The following ADARB1 variants were observed in gnomAD, a reference collection of about 807,000 sequenced individuals.
ADARB1 encodes double-stranded RNA-specific editase 1.
A neutral mutation model predicts 52.4 loss-of-function variants in ADARB1; 10 were observed. That is an observed-to-expected ratio of 0.19 (90% confidence interval 0.12 to 0.32). The LOEUF (loss-of-function observed/expected upper bound fraction) is 0.32, where lower values mean the gene tolerates loss of function less well. Among genes scored for constraint, ADARB1 ranks in the 10% least tolerant of loss-of-function variants. ADARB1 has a pLI of 1.00. For missense variants in ADARB1, 643 were observed against 922.3 expected, an observed-to-expected ratio of 0.70 and a Z score of 3.92; for synonymous variants, 349 against 371.1, an observed-to-expected ratio of 0.94 and a Z score of 0.68.
At position 45,210,076 on chromosome 21, in the gene ADARB1, C is replaced by T. The variant is rs571497590; in HGVS notation, c.1747+5340C>T. Reference sequence around the variant, plus strand: ...CTGCACCACGGCCGCCACACGGCTCCGTCTCTTGCTCTAGTTCTCCTTTCT... The same window carrying T: ...CTGCACCACGGCCGCCACACGGCTCTGTCTCTTGCTCTAGTTCTCCTTTCT... On this transcript the variant is annotated intron_variant, in intron 9 of 10. Coordinates refer to ENST00000348831, the MANE Select transcript of ADARB1 (RefSeq NM_001112.4). 2.8e-4 allele frequency among the ~76,000 whole-genome samples: 43 copies of T among 152,332 alleles called. 2 individuals are homozygous for T. The South Asian group carries it at 8.5e-3, about 30-fold the overall frequency.
At chr21:45,206,864 G>T (rs8134836) in intron 9 of ADARB1, among the ~76,000 whole-genome samples, 76,975 of 151,946 alleles carry the variant, frequency 0.51, 19,814 homozygotes, top group South Asian at 0.57. Flanking sequence ...GTGAGCCACC[G>T]TGCCTGGCCT....
At chr21:45,091,266 A>G (rs956051147) in intron 1 of ADARB1, among the ~76,000 whole-genome samples, 4 of 152,224 alleles carry the variant, frequency 2.6e-5, no homozygotes, top group African/African-American at 9.6e-5. Flanking sequence ...AATCAACTCT[A>G]AATCAATCCG....
intron 1 of ADARB1, among the ~76,000 whole-genome samples, chr21:45,109,460 T>G (rs2087434002): frequency 6.6e-6 from 1 of 152,246 alleles, no homozygotes; most frequent in Non-Finnish European, 1.5e-5. Context: ...TTTTAATGGC[T>G]TGGTCAACAG....
chr21:45,115,662 T>G (rs1330350672), intron 1 of ADARB1, among the ~76,000 whole-genome samples: 1 of 152,276 alleles, frequency 6.6e-6, no homozygotes, highest in African/African-American at 2.4e-5. Flanking sequence ...TATTTAAACT[T>G]AATAGTTGAG....
chr21:45,163,864 T>C (rs1377923207), intron 2 of ADARB1, among the ~76,000 whole-genome samples: 1 of 152,198 alleles, frequency 6.6e-6, no homozygotes, highest in Non-Finnish European at 1.5e-5. Context: ...TGTGTTTGGT[T>C]TGGGGCCATT....
intron 8 of ADARB1, among the ~76,000 whole-genome samples, chr21:45,202,773 C>T (rs568656781): frequency 6.6e-6 from 1 of 151,870 alleles, no homozygotes; most frequent in South Asian, 2.1e-4. Flanking sequence ...CTGTGCTGAG[C>T]GTCTAACCCT....
At chr21:45,107,614 C>T (rs1005721690) in intron 1 of ADARB1, among the ~76,000 whole-genome samples, 12 of 152,192 alleles carry the variant, frequency 7.9e-5, no homozygotes, top group African/African-American at 2.4e-4. Flanking sequence ...TTAGAGTCAA[C>T]GTTCTTGGGA....
chr21:45,157,527 T>A lies in ADARB1; in HGVS notation c.-47-14083T>A, dbSNP rs2090726319. Among the ~76,000 whole-genome samples, 1 of 152,148 alleles carries A rather than the reference T, an allele frequency of 6.6e-6. No individual in the cohort carries two copies. Among genetic ancestry groups the A allele is most frequent in the Non-Finnish European group, 1.5e-5 (1 of 68,028 alleles). On this transcript the variant is annotated intron_variant, in intron 2 of 10. Transcript: ENST00000348831. This position sits in a 1 kb window ranked among gnomAD's most constrained non-coding sequence, Gnocchi z 4.1. ...GGCAGGGCCCTGTGAAGGTTTGTGC[T>A]CTCGTGTGCCGGCTCTGACCTGTGA... is the stretch of plus-strand genomic sequence containing the variant.
At chr21:45,137,548 A>G (rs1041193157) in intron 2 of ADARB1, among the ~76,000 whole-genome samples, 9 of 152,224 alleles carry the variant, frequency 5.9e-5, no homozygotes, top group Non-Finnish European at 5.9e-5. Flanking sequence ...AGGCCCATCA[A>G]TCCGATTTAA....
intron 1 of ADARB1, among the ~76,000 whole-genome samples, chr21:45,121,889 A>C (rs1460853912): frequency 1.3e-5 from 2 of 152,114 alleles, no homozygotes; most frequent in African/African-American, 4.8e-5. Context: ...CTGTTTTCCC[A>C]GCTGTATCCC....
Position 45,171,641 on chromosome 21 carries a change from T to G in ADARB1, c.-16T>G, listed in dbSNP as rs1182229815. The G allele has an allele frequency of 1.9e-6, 3 of 1,613,694 alleles. No homozygotes were observed. The highest frequency in any genetic ancestry group is 2.5e-6 in the Non-Finnish European group (3 of 1,179,794). On this transcript the variant is annotated 5_prime_UTR_variant, in exon 3 of 11. Coordinates refer to ENST00000348831, the MANE Select transcript of ADARB1 (RefSeq NM_001112.4). The stretch of plus-strand genomic sequence containing the variant: ...ACAGTCTCCGCCAGTCAAGAAACCC[T>G]CAAAAGTATTTTGCCATGGATATAG...
chr21:45,180,908 C>T (rs900816572), intron 5 of ADARB1, among the ~76,000 whole-genome samples: 15 of 152,098 alleles, frequency 9.9e-5, no homozygotes, highest in African/African-American at 3.6e-4. Context: ...TAGAAGAAAC[C>T]CTATTAAATT....
chr21:45,176,724 A>G lies in ADARB1; in HGVS notation c.963+60A>G, dbSNP rs71324410. The G allele has an allele frequency of 0.081, 120,422 of 1,483,672 alleles. 5,467 individuals are homozygous for G. The highest frequency in any genetic ancestry group is 0.092 in the Non-Finnish European group (101,141 of 1,100,470). 91.9% of individuals were successfully genotyped at this position (1,483,672 alleles called of 1,614,324 possible). A position where few individuals can be genotyped will look rare whatever the true frequency, so the allele number is the denominator to read the frequency against. ...TCATTGCTCTTGGTAATGCTTCTAG[A>G]CAGCATTTTAGTTTCAGGATTACTG... On this transcript the variant is annotated intron_variant, in intron 4 of 10. Transcript: ENST00000348831. This position sits in a 1 kb window ranked among gnomAD's most constrained non-coding sequence, Gnocchi z 5.8.
At chr21:45,162,205 G>A (rs916516772) in intron 2 of ADARB1, among the ~76,000 whole-genome samples, 8 of 152,176 alleles carry the variant, frequency 5.3e-5, no homozygotes, top group Non-Finnish European at 1.0e-4. Flanking sequence ...GGGGCCCTGC[G>A]GTTCCTGGTG....
intron 2 of ADARB1, among the ~76,000 whole-genome samples, chr21:45,164,472 G>A (rs1271373943): frequency 6.6e-6 from 1 of 151,678 alleles, no homozygotes; most frequent in Non-Finnish European, 1.5e-5. Flanking sequence ...GCAGCCCACT[G>A]GGAGAGGCAG....
chr21:45,157,071 T>G lies in ADARB1; in HGVS notation c.-47-14539T>G, dbSNP rs2145999984. Among the ~76,000 whole-genome samples the G allele has an allele frequency of 6.6e-6, 1 of 152,312 alleles. No homozygotes were observed. The highest frequency in any genetic ancestry group is 2.1e-4 in the South Asian group (1 of 4,832). The stretch of plus-strand genomic sequence containing the variant: ...CCAGATCTCCTAGAACCCGTTGTAA[T>G]GGCTATGTGTGTACCTTTCACTGCA... On this transcript the variant is annotated intron_variant, in intron 2 of 10. Transcript: ENST00000348831. The surrounding 1 kb of genome is among the most constrained non-coding windows in gnomAD (Gnocchi z 4.1).
intron 8 of ADARB1, among the ~76,000 whole-genome samples, chr21:45,203,642 G>A (rs989550935): frequency 6.6e-6 from 1 of 152,220 alleles, no homozygotes; most frequent in Non-Finnish European, 1.5e-5. Flanking sequence ...CCATTGGCAT[G>A]CATCATTGGT....
chr21:45,209,724 G>A (rs2092731614), intron 9 of ADARB1, among the ~76,000 whole-genome samples: 1 of 152,152 alleles, frequency 6.6e-6, no homozygotes, highest in Non-Finnish European at 1.5e-5. Context: ...AACAGATTAA[G>A]CCTAGGTGTG....
At chr21:45,105,722 A>G (rs932235129) in intron 1 of ADARB1, among the ~76,000 whole-genome samples, 2 of 152,246 alleles carry the variant, frequency 1.3e-5, no homozygotes, top group African/African-American at 4.8e-5. Flanking sequence ...ATTTCTCAGT[A>G]TGCAGATGAT....
Sources: allele counts gnomAD v4.1 joint callset (sites outside exome capture counted in the v4.1 genomes callset), GRCh38; gene constraint gnomAD v4.1.1; non-coding constraint Gnocchi (gnomAD v3.1); transcripts MANE v1.5; gene names NCBI Gene and HGNC (gene_info 2026-07-23, HGNC 2026-07-21).